Variants in FURIN observed in about 807,000 individuals in gnomAD.
FURIN encodes furin, paired basic amino acid cleaving enzyme.
A neutral mutation model predicts 89.2 loss-of-function variants in FURIN; 18 were observed. The observed-to-expected ratio is 0.20, with a 90% CI of 0.14 to 0.30. The LOEUF (loss-of-function observed/expected upper bound fraction) is 0.30, where lower values mean the gene tolerates loss of function less well. FURIN is among the 10% of genes least tolerant of loss of function. The pLI, the probability that FURIN is intolerant of heterozygous loss-of-function variation, is 1.00. For missense variants in FURIN, 879 were observed against 1,100.5 expected (o/e 0.80, Z 2.85); for synonymous variants, 508 against 466.4 (o/e 1.09, Z -1.15).
At chr15:90,874,428 C>T (rs543445545) in intron 1 of FURIN, among the ~76,000 whole-genome samples, 2 of 152,212 alleles carry the variant, frequency 1.3e-5, no homozygotes, top group African/African-American at 4.8e-5. Context: ...GCGGCCCCAG[C>T]GTTCCCCAGG....
Position 90,878,872 on chromosome 15 carries a change from A to G in FURIN, c.949A>G (p.Ile317Val). The G allele has an allele frequency of 1.2e-6, 2 of 1,613,098 alleles. No individual in the cohort carries two copies. The highest frequency in any genetic ancestry group is 1.7e-6 in the Non-Finnish European group (2 of 1,179,694). The change falls in exon 9 of 16, where the codon ATC (isoleucine) becomes GTC (valine). Residue 317 changes from isoleucine (I) to valine (V), a missense_variant. Coordinates refer to ENST00000268171, the MANE Select transcript of FURIN (RefSeq NM_002569.4). ...GYTNSIYTLS[I>V]SSATQFGNVP... Reference sequence around the variant, plus strand: ...CACCAACAGTATCTACACGCTGTCCATCAGCAGCGCCACGCAGTTTGGCAA... The same window carrying G: ...CACCAACAGTATCTACACGCTGTCCGTCAGCAGCGCCACGCAGTTTGGCAA...
chr15:90,875,055 A>C (rs1449824794), intron 1 of FURIN, among the ~76,000 whole-genome samples: 1 of 96,654 alleles, frequency 1.0e-5, no homozygotes, highest in East Asian at 2.8e-4. Context: ...TTTTTTTGAG[A>C]GGGAGTATCG....
intron 1 of FURIN, among the ~76,000 whole-genome samples, chr15:90,868,960 G>C (rs1013596652): frequency 3.3e-5 from 5 of 152,174 alleles, no homozygotes; most frequent in African/African-American, 9.7e-5. Flanking sequence ...TATTTGCTGT[G>C]CCTGAGGTGG....
intron 1 of FURIN, among the ~76,000 whole-genome samples, chr15:90,873,998 A>G (rs1207260556): frequency 1.3e-5 from 2 of 152,198 alleles, no homozygotes; most frequent in East Asian, 1.9e-4. Context: ...CCCAGGGCCT[A>G]CGTGAGCTGG....
intron 1 of FURIN, among the ~76,000 whole-genome samples, chr15:90,873,886 G>A (rs1163343286): frequency 6.6e-6 from 1 of 152,204 alleles, no homozygotes; most frequent in Non-Finnish European, 1.5e-5. Flanking sequence ...AGTACCCCCA[G>A]CCTGCAGGGT....
Position 90,876,803 on chromosome 15 carries a change from G to A in FURIN, c.373-93G>A. On this transcript the variant is annotated intron_variant, in intron 4 of 15. Coordinates refer to ENST00000268171, the MANE Select transcript of FURIN (RefSeq NM_002569.4). This position sits in a 1 kb window ranked among gnomAD's most constrained non-coding sequence, Gnocchi z 5.0. ...TTCAGGAGCAGGGATGGTACAGGAG[G>A]AGGTTTTACGGGGGCAAAGGGATTC... is the stretch of plus-strand genomic sequence containing the variant. The A allele has an allele frequency of 7.3e-7, 1 of 1,366,530 alleles. No individual in the cohort carries two copies. The allele number at this position is 1,366,530 out of a possible 1,614,324, so 84.7% of individuals were successfully genotyped here.
rs751666970 is a variant in FURIN, at chr15:90,879,917, C to G, written c.1309C>G (p.Leu437Val). The change falls in exon 12 of 16, where the codon CTG becomes GTG. Residue 437 changes from leucine to valine, a missense_variant. Coordinates refer to ENST00000268171, the MANE Select transcript of FURIN (RefSeq NM_002569.4). ...TTTGGACGCAGGCGCCATGGTGGCC[C>G]TGGCCCAGAATTGGACCACAGTGGC... Reference protein sequence around the residue: ...GLLDAGAMVALAQNWTTVAPQ... With the variant: ...GLLDAGAMVAVAQNWTTVAPQ... 6.2e-7 allele frequency: 1 copy of G among 1,613,424 alleles called. No homozygotes were observed. The highest frequency in any genetic ancestry group is 2.2e-5 in the East Asian group (1 of 44,890).
At chr15:90,869,453 C>G (rs2031185789) in intron 1 of FURIN, among the ~76,000 whole-genome samples, 1 of 152,152 alleles carries the variant, frequency 6.6e-6, no homozygotes, top group African/African-American at 2.4e-5. Flanking sequence ...CTTTCAAATT[C>G]TTTTTAGCAG....
At chr15:90,879,231 C>T (rs2031804133) in intron 9 of FURIN, among the ~76,000 whole-genome samples, 2 of 152,234 alleles carry the variant, frequency 1.3e-5, no homozygotes, top group Non-Finnish European at 2.9e-5. Context: ...GTTGAACCCC[C>T]TTATTCCTTT....
Position 90,882,940 on chromosome 15 carries a change from C to T in FURIN, c.*1062C>T, listed in dbSNP as rs1423074800. On this transcript the variant is annotated 3_prime_UTR_variant, in exon 16 of 16. Coordinates refer to ENST00000268171, the MANE Select transcript of FURIN (RefSeq NM_002569.4). ...GTGAGGAATAGTTGAGCCCCAAGTCCTGAAGAGGCGGGCCAGCCAGGCGGG... is the reference window on the plus strand; with the variant it reads ...GTGAGGAATAGTTGAGCCCCAAGTCTTGAAGAGGCGGGCCAGCCAGGCGGG... The T allele has an allele frequency of 6.6e-6, 1 of 152,496 alleles. No individual in the cohort carries two copies. Among genetic ancestry groups the T allele is most frequent in the Non-Finnish European group, 1.5e-5 (1 of 68,078 alleles). The allele number at this position is 152,496 out of a possible 1,614,324, so 9.4% of individuals were successfully genotyped here.
chr15:90,879,956 T>C lies in FURIN; in HGVS notation c.1348T>C (p.Cys450Arg), dbSNP rs2031856878. The change falls in exon 12 of 16, where the codon TGC (cysteine) becomes CGC (arginine). Residue 450 changes from cysteine (C) to arginine (R), a missense_variant. By Grantham distance (180) the Cys-to-Arg change is radical. Transcript: ENST00000268171. ...NWTTVAPQRK[C>R]IIDILTEPKD... Reference sequence around the variant, plus strand: ...GACCACAGTGGCCCCCCAGCGGAAGTGCATCATCGACATCCTCACCGAGCC... The same window carrying C: ...GACCACAGTGGCCCCCCAGCGGAAGCGCATCATCGACATCCTCACCGAGCC... 6.2e-7 allele frequency: 1 copy of C among 1,613,000 alleles called. No homozygotes were observed. The highest frequency in any genetic ancestry group is 8.5e-7 in the Non-Finnish European group (1 of 1,179,896).
intron 1 of FURIN, among the ~76,000 whole-genome samples, chr15:90,872,534 C>T (rs965096723): frequency 6.6e-6 from 1 of 152,182 alleles, no homozygotes; most frequent in Non-Finnish European, 1.5e-5. Context: ...CTGACCTCTT[C>T]TCAAGCAGGG....
intron 13 of FURIN, 69 bp downstream of exon 13, chr15:90,880,342 C>A: frequency 7.7e-7 from 1 of 1,298,364 alleles, no homozygotes; most frequent in Non-Finnish European, 1.1e-6. Flanking sequence ...CTTGCCTTTG[C>A]TCGCTCACAC....
chr15:90,877,649 A>G, intron 7 of FURIN, 34 bp downstream of exon 7: 4 of 1,412,632 alleles, frequency 2.8e-6, no homozygotes, highest in Non-Finnish European at 3.9e-6. Flanking sequence ...TGTCTTCAGG[A>G]GGGCCCTTCA....
Position 90,881,671 on chromosome 15 carries a change from G to T in FURIN, c.2178G>T (p.Val726=). The T allele has an allele frequency of 1.3e-6, 2 of 1,586,420 alleles. No homozygotes were observed. The highest frequency in any genetic ancestry group is 1.7e-6 in the Non-Finnish European group (2 of 1,164,156). ...CCGGCCTCAGCTGCGCCTTCATCGTGCTGGTCTTCGTCACTGTCTTCCTGG... is the reference window on the plus strand; with the variant it reads ...CCGGCCTCAGCTGCGCCTTCATCGTTCTGGTCTTCGTCACTGTCTTCCTGG... ...VVAGLSCAFI[V]LVFVTVFLVL... is the part of the protein sequence containing the mutation. The change falls in exon 16 of 16, where the codon GTG becomes GTT. Residue 726 remains valine, a synonymous_variant. Transcript: ENST00000268171. This position sits in a 1 kb window ranked among gnomAD's most constrained non-coding sequence, Gnocchi z 4.3.
chr15:90,876,991 C>T lies in FURIN; in HGVS notation c.468C>T (p.Ile156=), dbSNP rs373576771. Residue 156 remains isoleucine, a synonymous_variant, in exon 5 of 16, where the codon ATC becomes ATT. Coordinates refer to ENST00000268171, the MANE Select transcript of FURIN (RefSeq NM_002569.4). This position sits in a 1 kb window ranked among gnomAD's most constrained non-coding sequence, Gnocchi z 5.0. ...TGGTCTCCATTCTGGACGATGGCAT[C>T]GAGAAGAACCACCCGGACTTGGCAG... The part of the protein sequence containing the change: ...GIVVSILDDG[I]EKNHPDLAGN... 9.9e-6 allele frequency: 16 copies of T among 1,613,978 alleles called. No homozygotes were observed. Among genetic ancestry groups the T allele is most frequent in the South Asian group, 9.9e-5 (9 of 91,084 alleles).
chr15:90,880,337 C>T, intron 13 of FURIN, 64 bp downstream of exon 13: 1 of 1,354,854 alleles, frequency 7.4e-7, no homozygotes, highest in East Asian at 2.4e-5. Flanking sequence ...GCGTGCTTGC[C>T]TTTGCTCGCT....
chr15:90,882,062 C>T lies in FURIN; in HGVS notation c.*184C>T, dbSNP rs373346219. On this transcript the variant is annotated 3_prime_UTR_variant, in exon 16 of 16. Transcript: ENST00000268171. ...GAGGTGGGCCCAGGACCAGCTGGGG[C>T]GTGGGGAGGGCCGTACCCCACCCTC... 5.9e-5 allele frequency: 35 copies of T among 588,796 alleles called. No homozygotes were observed. The highest frequency in any genetic ancestry group is 8.8e-5 in the Non-Finnish European group (29 of 329,644). The allele number at this position is 588,796 out of a possible 1,614,324, so 36.5% of individuals were successfully genotyped here.
chr15:90,872,976 G>T (rs1284451232), intron 1 of FURIN: 2 of 152,394 alleles, frequency 1.3e-5, no homozygotes, highest in African/African-American at 2.4e-5. Flanking sequence ...CTTTGCCCAA[G>T]AACACAGCCA....
Sources: allele counts gnomAD v4.1 joint callset (sites outside exome capture counted in the v4.1 genomes callset), GRCh38; gene constraint gnomAD v4.1.1; non-coding constraint Gnocchi (gnomAD v3.1); transcripts MANE v1.5; gene names NCBI Gene and HGNC (gene_info 2026-07-23, HGNC 2026-07-21).